Variants in HUNK observed in about 807,000 individuals in gnomAD.
HUNK encodes the protein hormonally up-regulated neu tumor-associated kinase.
A neutral mutation model predicts 61.0 loss-of-function variants in HUNK; 21 were observed. That is an observed-to-expected ratio of 0.34 (90% CI 0.24 to 0.50). The LOEUF is 0.50. Among genes scored for constraint, HUNK ranks in the 20% least tolerant of loss-of-function variants. HUNK has a pLI of 0.98. For missense variants in HUNK, 772 were observed against 945.7 expected (o/e 0.82, Z 2.41); for synonymous variants, 371 against 386.1 (o/e 0.96, Z 0.46).
intron 1 of HUNK, among the ~76,000 whole-genome samples, chr21:31,919,684 A>G (rs2052610386): frequency 1.3e-5 from 2 of 152,132 alleles, no homozygotes; most frequent in African/African-American, 4.8e-5. Flanking sequence ...GTGGAGCCTG[A>G]GAGGGAGTTC....
intron 1 of HUNK, among the ~76,000 whole-genome samples, chr21:31,891,638 C>CT (rs1176861933): frequency 6.6e-6 from 1 of 152,212 alleles, no homozygotes; most frequent in African/African-American, 2.4e-5. Flanking sequence ...AAGAAAGCAT[C>CT]TTTAGCTAAA....
intron 4 of HUNK, among the ~76,000 whole-genome samples, chr21:31,950,361 C>G (rs1390623848): frequency 6.6e-6 from 1 of 152,134 alleles, no homozygotes; most frequent in Non-Finnish European, 1.5e-5. Flanking sequence ...TTTGTTATGG[C>G]AACCCTAGCA....
At chr21:31,903,569 A>G (rs1299256017) in intron 1 of HUNK, among the ~76,000 whole-genome samples, 1 of 152,214 alleles carries the variant, frequency 6.6e-6, no homozygotes, top group Non-Finnish European at 1.5e-5. Context: ...ATGAATAAGA[A>G]GTCTATATTT....
At position 31,975,247 on chromosome 21, in the gene HUNK, T is replaced by C. The variant is rs75751551; in HGVS notation, c.1173+530T>C. Among the ~76,000 whole-genome samples, 1,097 of 152,294 alleles carry C rather than the reference T, an allele frequency of 7.2e-3. 7 individuals are homozygous for C. The highest frequency in any genetic ancestry group is 0.024 in the African/African-American group (993 of 41,562). ...TGTCAGAAAGTCCAAGTGTCTGGTGTCACCCGCGAGGTACCTTTGGGGTTT... is the reference window on the plus strand; with the variant it reads ...TGTCAGAAAGTCCAAGTGTCTGGTGCCACCCGCGAGGTACCTTTGGGGTTT... On this transcript the variant is annotated intron_variant, in intron 7 of 10. Coordinates refer to ENST00000270112, the MANE Select transcript of HUNK (RefSeq NM_014586.2).
chr21:31,984,492 G>A (rs555353367), intron 8 of HUNK, among the ~76,000 whole-genome samples: 6 of 152,302 alleles, frequency 3.9e-5, no homozygotes, highest in African/African-American at 1.2e-4. Flanking sequence ...CAAAAGTTTG[G>A]GATCAGGCAG....
rs553167598 is a variant in HUNK at position 31,983,100 on chromosome 21, G to T, written c.1174-426G>T. Among the ~76,000 whole-genome samples the T allele has an allele frequency of 3.3e-4, 51 of 152,328 alleles. No homozygotes were observed. The Middle Eastern group carries it at 0.014, about 41-fold the overall frequency. On this transcript the variant is annotated intron_variant, in intron 7 of 10. Coordinates refer to ENST00000270112, the MANE Select transcript of HUNK (RefSeq NM_014586.2). ...TTACAGGTATGAGCCACTGCACCCA[G>T]CCGTGTGCTGTTTTAAAATAAAGCA...
chr21:31,996,871 A>G (rs1160011074), intron 10 of HUNK, among the ~76,000 whole-genome samples: 1 of 152,158 alleles, frequency 6.6e-6, no homozygotes, highest in Non-Finnish European at 1.5e-5. Flanking sequence ...ACTTTGCCCA[A>G]AGCAACCTGC....
chr21:31,893,963 T>C (rs892355324), intron 1 of HUNK, among the ~76,000 whole-genome samples: 16 of 152,206 alleles, frequency 1.1e-4, no homozygotes, highest in African/African-American at 3.9e-4. Context: ...GAGAATTTTG[T>C]CTTGGATTCT....
At chr21:31,961,201 C>T (rs2052925517) in intron 5 of HUNK, among the ~76,000 whole-genome samples, 1 of 151,918 alleles carries the variant, frequency 6.6e-6, no homozygotes, top group East Asian at 1.9e-4. Context: ...TTTTCCCACT[C>T]AGCATAATTC....
At chr21:31,874,713 A>T (rs1228009300) in intron 1 of HUNK, among the ~76,000 whole-genome samples, 1 of 151,976 alleles carries the variant, frequency 6.6e-6, no homozygotes, top group Non-Finnish European at 1.5e-5. Context: ...ACTGGCAGGA[A>T]CAGAACTACA....
chr21:31,986,096 C>T (rs2053130688), intron 8 of HUNK, among the ~76,000 whole-genome samples: 1 of 152,040 alleles, frequency 6.6e-6, no homozygotes, highest in Non-Finnish European at 1.5e-5. Flanking sequence ...ACCCAGATGC[C>T]CCCTGAACTC....
chr21:31,968,278 G>A lies in HUNK; in HGVS notation c.903G>A (p.Leu301=). ...TGAISFLRSL[L]EPDPVKRPNI... ...CCATCAGTTTCCTGCGCTCTCTCCT[G>A]GAACCGGATCCTGTGAAGAGGCCAA... The change falls in exon 6 of 11, where the codon CTG becomes CTA. Residue 301 remains leucine, a synonymous_variant. Coordinates refer to ENST00000270112, the MANE Select transcript of HUNK (RefSeq NM_014586.2). 1.2e-6 allele frequency: 2 copies of A among 1,614,192 alleles called. No individual in the cohort carries two copies. The highest frequency in any genetic ancestry group is 1.7e-6 in the Non-Finnish European group (2 of 1,180,028).
intron 1 of HUNK, among the ~76,000 whole-genome samples, chr21:31,896,704 C>T (rs1055702162): frequency 4.6e-5 from 7 of 152,162 alleles, no homozygotes; most frequent in African/African-American, 1.4e-4. Context: ...TTCATGGACA[C>T]ATATAAATGT....
At chr21:31,980,369 C>G (rs1391364168) in intron 7 of HUNK, among the ~76,000 whole-genome samples, 2 of 138,336 alleles carry the variant, frequency 1.4e-5, no homozygotes, top group Non-Finnish European at 3.1e-5. Flanking sequence ...CGCACCAGGC[C>G]TGTCTTCTTC....
At chr21:31,934,330 C>T (rs2052718193) in intron 2 of HUNK, among the ~76,000 whole-genome samples, 1 of 151,066 alleles carries the variant, frequency 6.6e-6, no homozygotes. Flanking sequence ...GTAGTCCCAG[C>T]TACTCAGGAG....
intron 5 of HUNK, among the ~76,000 whole-genome samples, chr21:31,966,955 G>A (rs2052971276): frequency 6.6e-6 from 1 of 152,148 alleles, no homozygotes; most frequent in African/African-American, 2.4e-5. Context: ...CACAACTCAA[G>A]CAAGACAGAC....
At position 31,914,408 on chromosome 21, in the gene HUNK, CAAAAAAAAAAAAA is replaced by C. The variant is rs35023797; in HGVS notation, c.262-10043_262-10031del. ...GGGCAACAAGAGTGAAACTCTGTCT[CAAAAAAAAAAAAA>C]AAAAAAAAAAAAAAAAGACCCGGCC... is the stretch of plus-strand genomic sequence containing the variant. On this transcript the variant is annotated intron_variant, in intron 1 of 10. Coordinates refer to ENST00000270112, the MANE Select transcript of HUNK (RefSeq NM_014586.2). Among the ~76,000 whole-genome samples, 391 of 39,872 alleles carry C rather than the reference CAAAAAAAAAAAAA, an allele frequency of 9.8e-3. 8 individuals are homozygous for C. Among genetic ancestry groups the C allele is most frequent in the African/African-American group, 0.036 (334 of 9,384 alleles). The allele number at this position is 39,872 out of a possible 152,430, so 26.2% of individuals were successfully genotyped here. A position where few individuals can be genotyped will look rare whatever the true frequency, so the allele number is the denominator to read the frequency against.
At chr21:31,913,603 G>A (rs2052560718) in intron 1 of HUNK, among the ~76,000 whole-genome samples, 1 of 151,952 alleles carries the variant, frequency 6.6e-6, no homozygotes, top group Non-Finnish European at 1.5e-5. Context: ...CAGGCTCGGA[G>A]GCCCACAGAT....
chr21:31,917,856 T>C (rs73900719), intron 1 of HUNK, among the ~76,000 whole-genome samples: 7,842 of 152,100 alleles, frequency 0.052, 257 homozygotes, highest in Middle Eastern at 0.12. Context: ...CATTGATTGG[T>C]GTGGTGCTAT....
Sources: gnomAD v4.1 joint callset for allele counts (sites outside exome capture counted in the v4.1 genomes callset) on GRCh38, gnomAD v4.1.1 for gene constraint, MANE v1.5 for transcripts, NCBI Gene and HGNC (gene_info 2026-07-23, HGNC 2026-07-21) for gene names.